Variants in CERT1 observed in about 807,000 individuals in gnomAD.
CERT1 encodes the protein ceramide transfer protein.
CERT1 carries 31 observed loss-of-function variants against 87.9 expected under a neutral mutation model. The observed-to-expected ratio is 0.35, with a 90% CI of 0.27 to 0.48. The LOEUF is 0.48. Among genes scored for constraint, CERT1 ranks in the 20% least tolerant of loss-of-function variants. The pLI is 0.99. For synonymous variants in CERT1, 289 were observed against 250.9 expected, an observed-to-expected ratio of 1.15 and a Z score of -1.44; for missense variants, 487 against 758.0, an observed-to-expected ratio of 0.64 and a Z score of 4.20.
intron 12 of CERT1, among the ~76,000 whole-genome samples, chr5:75,386,332 G>C (rs979614825): frequency 6.6e-6 from 1 of 152,136 alleles, no homozygotes; most frequent in Non-Finnish European, 1.5e-5. Context: ...TCAAAAGACT[G>C]TTTAACATGG....
Position 75,416,700 on chromosome 5 carries a change from T to C in CERT1, c.837+176A>G, listed in dbSNP as rs1190058532. On this transcript the variant is annotated intron_variant, in intron 7 of 16. Transcript: ENST00000643780. ...GTATAGTAACTAAACAAGTAATTGG[T>C]GAATCTTGTTAGGCAAATGAGTTTA... 2.0e-5 allele frequency among the ~76,000 whole-genome samples: 3 copies of C among 152,320 alleles called. No homozygotes were observed. In the East Asian group the frequency reaches 5.8e-4, roughly 29 times the overall value.
At chr5:75,500,455 T>C (rs1767295824) in intron 2 of CERT1, among the ~76,000 whole-genome samples, 1 of 152,224 alleles carries the variant, frequency 6.6e-6, no homozygotes, top group South Asian at 2.1e-4. Flanking sequence ...AAGTACTTTC[T>C]ACTTCACGCT....
At chr5:75,389,524 A>C (rs980318115) in intron 12 of CERT1, 68 bp downstream of exon 12, 1 of 1,157,928 alleles carries the variant, frequency 8.6e-7, no homozygotes, top group African/African-American at 1.5e-5. Context: ...TATTCATATC[A>C]ATAGTAATGA....
chr5:75,457,161 C>T (rs768315398), intron 3 of CERT1, among the ~76,000 whole-genome samples: 2 of 152,164 alleles, frequency 1.3e-5, no homozygotes, highest in African/African-American at 2.4e-5. Flanking sequence ...CTTCTCTCAC[C>T]TAACGTAAAA....
chr5:75,374,334 A>G (rs1293751255), downstream of CERT1: 1 of 501,962 alleles, frequency 2.0e-6, no homozygotes, highest in East Asian at 3.1e-5. Context: ...ATTTATCATT[A>G]TGAATGCAAA....
chr5:75,449,816 T>C (rs1764704147), intron 3 of CERT1, among the ~76,000 whole-genome samples: 1 of 152,196 alleles, frequency 6.6e-6, no homozygotes. Context: ...TTATGTTTAC[T>C]ACCCATTTCA....
intron 3 of CERT1, among the ~76,000 whole-genome samples, chr5:75,457,094 C>T (rs550193262): frequency 7.9e-5 from 12 of 152,264 alleles, no homozygotes; most frequent in South Asian, 6.2e-4. Flanking sequence ...ACTAGTGAGA[C>T]GGCTGGCCCT....
chr5:75,439,942 T>C (rs1171848964), intron 3 of CERT1, among the ~76,000 whole-genome samples: 1 of 152,098 alleles, frequency 6.6e-6, no homozygotes, highest in Non-Finnish European at 1.5e-5. Context: ...TTATAGTCTG[T>C]AGCAAAAACC....
intron 2 of CERT1, among the ~76,000 whole-genome samples, chr5:75,499,276 T>C (rs1238275267): frequency 2.0e-5 from 3 of 152,166 alleles, no homozygotes; most frequent in Admixed American, 2.0e-4. Flanking sequence ...GACTGTGTTT[T>C]GAAATGTGAG....
intron 9 of CERT1, chr5:75,401,046 T>A (rs979627364): frequency 1.3e-5 from 2 of 152,198 alleles, no homozygotes; most frequent in Admixed American, 6.5e-5. Flanking sequence ...ACACTGAATA[T>A]GAAGAGGGAA....
chr5:75,502,521 T>C (rs1406242565), intron 2 of CERT1, among the ~76,000 whole-genome samples: 1 of 152,158 alleles, frequency 6.6e-6, no homozygotes, highest in Non-Finnish European at 1.5e-5. Flanking sequence ...CAACAGAATA[T>C]AACAGTTAAT....
intron 5 of CERT1, 39 bp downstream of exon 5, chr5:75,425,322 C>A: frequency 6.3e-7 from 1 of 1,582,750 alleles, no homozygotes; most frequent in South Asian, 1.1e-5. Context: ...TTAATCCATT[C>A]ATTCTCCAAG....
intron 7 of CERT1, among the ~76,000 whole-genome samples, chr5:75,411,534 G>A (rs377474612): frequency 6.6e-6 from 1 of 152,056 alleles, no homozygotes; most frequent in South Asian, 2.1e-4. Context: ...GGCTTTTCTC[G>A]AACTCCTCAC....
At chr5:75,398,167 A>C (rs373969230) in intron 11 of CERT1, among the ~76,000 whole-genome samples, 1 of 152,268 alleles carries the variant, frequency 6.6e-6, no homozygotes, top group Non-Finnish European at 1.5e-5. Context: ...ACGCTGTACA[A>C]GTCAGAAAAA....
chr5:75,493,121 C>G (rs1262692944), intron 2 of CERT1, among the ~76,000 whole-genome samples: 1 of 152,220 alleles, frequency 6.6e-6, no homozygotes, highest in Non-Finnish European at 1.5e-5. Context: ...AGACAGACGT[C>G]TGTGTCTGTG....
intron 2 of CERT1, among the ~76,000 whole-genome samples, chr5:75,464,339 T>C (rs1398315489): frequency 7.1e-6 from 1 of 139,934 alleles, no homozygotes; most frequent in Non-Finnish European, 1.5e-5. Flanking sequence ...ATCCCAAGCA[T>C]TGGTGACTAC....
intron 10 of CERT1, 99 bp from the exon 11 acceptor site, chr5:75,399,486 A>G (rs1762382362): frequency 1.2e-6 from 1 of 840,504 alleles, no homozygotes; most frequent in South Asian, 1.4e-5. Flanking sequence ...GGAAGAGAAA[A>G]CAAAGCACTA....
At chr5:75,460,044 T>C (rs1167744358) in intron 2 of CERT1, among the ~76,000 whole-genome samples, 1 of 141,580 alleles carries the variant, frequency 7.1e-6, no homozygotes, top group Non-Finnish European at 1.5e-5. Flanking sequence ...CCTTAAACAA[T>C]CCTCCCACCT....
At chr5:75,398,841 T>C (rs1762358300) in intron 11 of CERT1, among the ~76,000 whole-genome samples, 1 of 152,200 alleles carries the variant, frequency 6.6e-6, no homozygotes, top group Non-Finnish European at 1.5e-5. Flanking sequence ...ATCTGCTCAA[T>C]AGAGCTTAGT....
Sources: gnomAD v4.1 joint callset for allele counts (sites outside exome capture counted in the v4.1 genomes callset) on GRCh38, gnomAD v4.1.1 for gene constraint, MANE v1.5 for transcripts, NCBI Gene and HGNC (gene_info 2026-07-23, HGNC 2026-07-21) for gene names.